Variants in CDK5RAP2 observed in about 807,000 individuals in gnomAD.
CDK5RAP2 encodes the protein CDK5 regulatory subunit associated protein 2.
CDK5RAP2 carries 147 observed loss-of-function variants against 232.9 expected under a neutral mutation model. The ratio of observed to expected loss-of-function variants is 0.63; its 90% CI spans 0.55 to 0.72. The LOEUF is 0.72. Ranked by LOEUF, CDK5RAP2 falls within the 30% of genes least tolerant of loss-of-function variation. The pLI is 0.00. For synonymous variants in CDK5RAP2, 833 were observed against 833.7 expected, an observed-to-expected ratio of 1.00 and a Z score of 0.01; for missense variants, 2,195 against 2,231.5, an observed-to-expected ratio of 0.98 and a Z score of 0.33.
At chr9:120,452,749 A>G (rs1035248764) in intron 21 of CDK5RAP2, among the ~76,000 whole-genome samples, 2 of 151,664 alleles carry the variant, frequency 1.3e-5, no homozygotes, top group Admixed American at 1.3e-4. Flanking sequence ...CATTCACTCA[A>G]CAAACCCGGG....
chr9:120,550,413 C>T (rs1184104571), intron 4 of CDK5RAP2, among the ~76,000 whole-genome samples: 1 of 152,222 alleles, frequency 6.6e-6, no homozygotes, highest in Non-Finnish European at 1.5e-5. Context: ...ATTCTGGAAG[C>T]AAGCCCCAAA....
At chr9:120,495,970 T>G (rs1297328110) in intron 12 of CDK5RAP2, among the ~76,000 whole-genome samples, 11 of 116,970 alleles carry the variant, frequency 9.4e-5, no homozygotes, top group East Asian at 2.8e-4. Flanking sequence ...CCCCGTCCGG[T>G]AGGGAGGTAG....
chr9:120,437,316 A>G lies in CDK5RAP2; in HGVS notation c.3934T>C (p.Leu1312=), dbSNP rs762102861. 35 of 1,613,490 alleles carry G rather than the reference A, an allele frequency of 2.2e-5. No homozygotes were observed. Among genetic ancestry groups the G allele is most frequent in the Non-Finnish European group, 2.8e-5 (33 of 1,179,714 alleles). Residue 1312 remains leucine (L), a synonymous_variant, in exon 25 of 38, where the codon TTG becomes CTG. Transcript: ENST00000349780. The stretch of plus-strand genomic sequence containing the variant: ...CTACCGTTGAGAAATAGCTTTTCCA[A>G]TTTCTCCAGCAGCTCAGCACATTGA... ...LNQCAELLEK[L]EKLFLNGKSV...
intron 2 of CDK5RAP2, among the ~76,000 whole-genome samples, chr9:120,570,565 C>T (rs10984959): frequency 0.079 from 12,084 of 152,266 alleles, 677 homozygotes; most frequent in East Asian, 0.29. Flanking sequence ...GCTGGCCAGG[C>T]ACAGTGGCTC....
chr9:120,394,603 A>T lies in CDK5RAP2; in HGVS notation c.5487T>A (p.His1829Gln). The T allele has an allele frequency of 6.2e-7, 1 of 1,614,108 alleles. No homozygotes were observed. Among genetic ancestry groups the T allele is most frequent in the Non-Finnish European group, 8.5e-7 (1 of 1,179,992 alleles). Residue 1829 changes from histidine (H) to glutamine (Q), a missense_variant, in exon 36 of 38, where the codon CAT (histidine) becomes CAA (glutamine). Transcript: ENST00000349780. The stretch of plus-strand genomic sequence containing the variant: ...TCTTTTCTTGTTCAAACAATTTTTT[A>T]TGTAGTTTGGTGACCTCTGCCTTCA... ...GEMKAEVTKL[H>Q]KKLFEQEKKL...
intron 17 of CDK5RAP2, 41 bp downstream of exon 17, chr9:120,470,069 AC>A (rs1158322407): frequency 1.0e-6 from 1 of 1,001,698 alleles, no homozygotes. Flanking sequence ...AAACAATCTA[AC>A]AAAAAGAAAA....
chr9:120,482,501 T>C (rs370993346), intron 14 of CDK5RAP2, among the ~76,000 whole-genome samples: 58 of 152,240 alleles, frequency 3.8e-4, no homozygotes, highest in African/African-American at 1.2e-3. Flanking sequence ...CCCAGTGCTG[T>C]CATTTACCAC....
chr9:120,467,655 GT>G (rs1400881065), intron 18 of CDK5RAP2, among the ~76,000 whole-genome samples: 1 of 151,670 alleles, frequency 6.6e-6, no homozygotes, highest in Non-Finnish European at 1.5e-5. Context: ...GGTTTTGATG[GT>G]TTTTTTTGAG....
At position 120,439,349 on chromosome 9, in the gene CDK5RAP2, T is replaced by A. The variant is rs1020627157; in HGVS notation, c.3722+50A>T. The A allele has an allele frequency of 4.8e-6, 7 of 1,460,468 alleles. No individual in the cohort carries two copies. In the Admixed American group the frequency reaches 5.0e-5, roughly 10 times the overall value. 90.5% of individuals were successfully genotyped at this position (1,460,468 alleles called of 1,614,324 possible). A position where few individuals can be genotyped will look rare whatever the true frequency, so the allele number is the denominator to read the frequency against. On this transcript the variant is annotated intron_variant, in intron 24 of 37. Transcript: ENST00000349780. ...CTCATGGGCTCCCACCTAGTGGCAATACTGGGGGACTACAGGCTTAAACGG... is the reference window on the plus strand; with the variant it reads ...CTCATGGGCTCCCACCTAGTGGCAAAACTGGGGGACTACAGGCTTAAACGG...
intron 9 of CDK5RAP2, 24 bp from the exon 10 acceptor site, chr9:120,527,949 C>T (rs1016398720): frequency 8.7e-6 from 14 of 1,613,108 alleles, no homozygotes; most frequent in Admixed American, 5.0e-5. Flanking sequence ...GAAAAAGATT[C>T]ACTAAGTTGA....
chr9:120,472,378 C>A (rs1186613257), intron 15 of CDK5RAP2, among the ~76,000 whole-genome samples: 1 of 152,114 alleles, frequency 6.6e-6, no homozygotes, highest in Non-Finnish European at 1.5e-5. Flanking sequence ...CTGTTCTGAA[C>A]AATGCCCCAA....
intron 14 of CDK5RAP2, among the ~76,000 whole-genome samples, chr9:120,486,599 G>T (rs2038618037): frequency 6.6e-6 from 1 of 152,236 alleles, no homozygotes; most frequent in Non-Finnish European, 1.5e-5. Flanking sequence ...TGCTGTACAG[G>T]AGCCCAGGTG....
intron 12 of CDK5RAP2, among the ~76,000 whole-genome samples, chr9:120,495,025 C>G (rs2039108952): frequency 8.4e-6 from 1 of 119,598 alleles, no homozygotes; most frequent in Admixed American, 7.9e-5. Context: ...CTGTCTCAGT[C>G]TTTGCCGCCG....
chr9:120,463,414 C>T (rs1243217817), intron 18 of CDK5RAP2, among the ~76,000 whole-genome samples: 1 of 152,056 alleles, frequency 6.6e-6, no homozygotes, highest in Non-Finnish European at 1.5e-5. Flanking sequence ...CCCCTGATTC[C>T]CCAACAGCTC....
intron 25 of CDK5RAP2, among the ~76,000 whole-genome samples, chr9:120,429,557 G>A (rs894749760): frequency 1.3e-5 from 2 of 152,130 alleles, no homozygotes; most frequent in Admixed American, 6.5e-5. Context: ...TACAAGGGAC[G>A]TGAAGGACCT....
At chr9:120,566,256 G>A (rs2042642762) in intron 3 of CDK5RAP2, among the ~76,000 whole-genome samples, 1 of 152,194 alleles carries the variant, frequency 6.6e-6, no homozygotes, top group East Asian at 1.9e-4. Context: ...AAAAATTTCA[G>A]TGATTCATAA....
At position 120,439,566 on chromosome 9, in the gene CDK5RAP2, G is replaced by A; in HGVS notation, c.3555C>T (p.Ile1185=). 2 of 1,614,194 alleles carry A rather than the reference G, an allele frequency of 1.2e-6. No homozygotes were observed. Among genetic ancestry groups the A allele is most frequent in the East Asian group, 4.5e-5 (2 of 44,880 alleles). The change falls in exon 24 of 38, where the codon ATC becomes ATT. Residue 1185 remains isoleucine, a synonymous_variant. Transcript: ENST00000349780. The part of the protein sequence containing the change: ...HQVRYVKHVK[I]LGPLAPEMID... ...TCATCTCTGGGGCCAGCGGACCGAG[G>A]ATTTTCACGTGTTTCACGTATCGCA... is the stretch of plus-strand genomic sequence containing the variant.
intron 1 of CDK5RAP2, among the ~76,000 whole-genome samples, chr9:120,572,452 C>T (rs924354343): frequency 3.3e-5 from 5 of 152,190 alleles, no homozygotes; most frequent in African/African-American, 7.2e-5. Flanking sequence ...ATTCAGTAAA[C>T]GGCAACTATT....
At chr9:120,503,088 C>T (rs1322770979) in intron 12 of CDK5RAP2, among the ~76,000 whole-genome samples, 1 of 152,174 alleles carries the variant, frequency 6.6e-6, no homozygotes, top group Non-Finnish European at 1.5e-5. Flanking sequence ...GTCAGTGTGA[C>T]CCCAAATTCT....
Sources: allele counts gnomAD v4.1 joint callset (sites outside exome capture counted in the v4.1 genomes callset), GRCh38; gene constraint gnomAD v4.1.1; transcripts MANE v1.5; gene names NCBI Gene and HGNC (gene_info 2026-07-23, HGNC 2026-07-21).